Variants in MEST observed in about 807,000 individuals in gnomAD.
MEST encodes mesoderm-specific transcript homolog protein.
MEST carries 18 observed loss-of-function variants against 50.9 expected under a neutral mutation model. The ratio of observed to expected loss-of-function variants is 0.35; its 90% CI spans 0.24 to 0.52. MEST has a LOEUF of 0.52. Among genes scored for constraint, MEST ranks in the 20% least tolerant of loss-of-function variants. MEST has a pLI of 0.94. For synonymous variants in MEST, 130 were observed against 154.1 expected (o/e 0.84, Z 1.16); for missense variants, 282 against 425.3 (o/e 0.66, Z 2.96).
rs782741593 is a variant in MEST at position 130,498,353 on chromosome 7, C to T, written c.477-66C>T. On this transcript the variant is annotated intron_variant, in intron 5 of 11. Transcript: ENST00000223215. ...TGGACTGTTTGTATCCTTTTTCTCT[C>T]GTTTTCAGCGGTGCACTGGTTTAAG... is the stretch of plus-strand genomic sequence containing the variant. 8.0e-5 allele frequency: 129 copies of T among 1,610,074 alleles called. No homozygotes were observed. In the Admixed American group the frequency reaches 1.8e-3, roughly 22 times the overall value.
chr7:130,496,302 C>G (rs543000184), intron 2 of MEST: 9 of 393,888 alleles, frequency 2.3e-5, no homozygotes, highest in African/African-American at 1.5e-4. Flanking sequence ...CATGTCCATA[C>G]AGTTTATTTT....
At chr7:130,495,778 G>GTGTTT (rs1554436767) in intron 2 of MEST, 1 of 188,928 alleles carries the variant, frequency 5.3e-6, no homozygotes, top group East Asian at 1.5e-4. Context: ...TCCAATATTA[G>GTGTTT]TTTTTTTTTT....
upstream of MEST, chr7:130,489,346 G>A (rs1554434489): frequency 6.6e-6 from 1 of 152,260 alleles, no homozygotes; most frequent in Non-Finnish European, 1.5e-5. Context: ...TCTGTCCAGA[G>A]GAACTGAAAG....
At position 130,497,976 on chromosome 7, in the gene MEST, C is replaced by T; in HGVS notation, c.302C>T (p.Ala101Val). ...GLTLRFHRVIALDFLGFGFSD... is the reference protein window; with the variant it reads ...GLTLRFHRVIVLDFLGFGFSD... ...ACCTTGAGGTTTCATCGGGTGATTG[C>T]CCTTGATTTCTTAGGCTTTGGCTTC... The change falls in exon 4 of 12, where the codon GCC becomes GTC. Residue 101 changes from alanine (A) to valine (V), a missense_variant. Coordinates refer to ENST00000223215, the MANE Select transcript of MEST (RefSeq NM_002402.4). This position sits in a 1 kb window ranked among gnomAD's most constrained non-coding sequence, Gnocchi z 4.0. The T allele has an allele frequency of 6.2e-7, 1 of 1,614,178 alleles. No individual in the cohort carries two copies. Among genetic ancestry groups the T allele is most frequent in the South Asian group, 1.1e-5 (1 of 91,084 alleles).
Position 130,497,271 on chromosome 7 carries a change from TA to T in MEST, c.261+42del, listed in dbSNP as rs1554437279. The T allele has an allele frequency of 1.9e-6, 3 of 1,582,250 alleles. No homozygotes were observed. Among genetic ancestry groups the T allele is most frequent in the Non-Finnish European group, 2.6e-6 (3 of 1,158,624 alleles). On this transcript the variant is annotated intron_variant, in intron 3 of 11. Coordinates refer to ENST00000223215, the MANE Select transcript of MEST (RefSeq NM_002402.4). The surrounding 1 kb of genome is among the most constrained non-coding windows in gnomAD (Gnocchi z 4.0). ...CAGACTTCTACGTCCTACTATGTCT[TA>T]AAAAATCTCGGCCGGGCGCGGGGGC...
At chr7:130,496,300 TAC>T (rs1366260594) in intron 2 of MEST, 5 of 396,442 alleles carry the variant, frequency 1.3e-5, no homozygotes, top group African/African-American at 8.8e-5. Flanking sequence ...TTCATGTCCA[TAC>T]AGTTTATTTT....
At chr7:130,493,635 A>C (rs985828187) in intron 1 of MEST, among the ~76,000 whole-genome samples, 4 of 151,986 alleles carry the variant, frequency 2.6e-5, no homozygotes, top group East Asian at 1.9e-4. Flanking sequence ...TTAACCCCCC[A>C]CTTTCCCTGA....
intron 5 of MEST, 62 bp from the exon 6 acceptor site, chr7:130,498,357 T>C: frequency 6.2e-7 from 1 of 1,611,976 alleles, no homozygotes; most frequent in Non-Finnish European, 8.5e-7. Context: ...TTCTCTCGTT[T>C]TCAGCGGTGC....
chr7:130,498,494 T>G lies in MEST; in HGVS notation c.535+17T>G. ...CAAATGGAGGTAATTGCCTTGGCGG[T>G]AGGTAGAAAGTGGGTGTAATCTAGA... On this transcript the variant is annotated intron_variant, in intron 6 of 11. Transcript: ENST00000223215. 2 of 1,613,248 alleles carry G rather than the reference T, an allele frequency of 1.2e-6. No homozygotes were observed. Among genetic ancestry groups the G allele is most frequent in the Non-Finnish European group, 1.7e-6 (2 of 1,179,300 alleles).
Position 130,497,159 on chromosome 7 carries a change from CTG to C in MEST, c.188_189del (p.Val63GlyfsTer40), listed in dbSNP as rs1799093596. 1.9e-6 allele frequency: 3 copies of C among 1,612,034 alleles called. No individual in the cohort carries two copies. The highest frequency in any genetic ancestry group is 2.5e-6 in the Non-Finnish European group (3 of 1,178,944). On this transcript the variant is annotated frameshift_variant, in exon 3 of 12. Transcript: ENST00000223215. LOFTEE classifies it high-confidence loss of function. The surrounding 1 kb of genome is among the most constrained non-coding windows in gnomAD (Gnocchi z 4.0). ...ATTGTACTTTCCTTCTTCCTAGACT[CTG>C]TGGGTGTGGTTGGAAGTCCAGAGAT...
At chr7:130,490,084 C>G (rs995741863), upstream of MEST, 1 of 152,060 alleles carries the variant, frequency 6.6e-6, no homozygotes, top group African/African-American at 2.4e-5. Flanking sequence ...AATAGGAAAG[C>G]CTTTACCTTT....
chr7:130,503,818 T>C, intron 10 of MEST, 115 bp from the exon 11 acceptor site: 1 of 772,914 alleles, frequency 1.3e-6, no homozygotes, highest in Non-Finnish European at 2.2e-6. Flanking sequence ...ACCTTGCCTA[T>C]TATAATAAAA....
At chr7:130,495,319 T>C (rs1799004779) in intron 1 of MEST, 49 bp from the exon 2 acceptor site, 1 of 1,543,032 alleles carries the variant, frequency 6.5e-7, no homozygotes, top group African/African-American at 1.4e-5. Context: ...TGTAGATGAG[T>C]GGACAATGTT....
rs863223353 is a variant in MEST, at chr7:130,499,898, C to T, written c.559C>T (p.Pro187Ser). 6.2e-7 allele frequency: 1 copy of T among 1,612,674 alleles called. No homozygotes were observed. ...AGGTATCTTTCCTGAGACTCACCGT[C>T]CACTCCTTCTCCAAAAGGTTGGTAC... ...NGGIFPETHR[P>S]LLLQKLLKDG... Residue 187 changes from proline (P) to serine (S), a missense_variant, in exon 7 of 12, where the codon CCA becomes TCA. Physicochemically the swap from Pro to Ser is moderately conservative, Grantham distance 74 (BLOSUM62 -1). Coordinates refer to ENST00000223215, the MANE Select transcript of MEST (RefSeq NM_002402.4).
At chr7:130,495,756 C>A in intron 2 of MEST, 1 of 367,376 alleles carries the variant, frequency 2.7e-6, no homozygotes, top group Non-Finnish European at 4.8e-6. Flanking sequence ...TTCTTTGTAG[C>A]TTGATATGTA....
At chr7:130,488,315 T>C (rs2116200946), upstream of MEST, 1 of 152,356 alleles carries the variant, frequency 6.6e-6, no homozygotes, top group South Asian at 2.1e-4. Flanking sequence ...GAAAATTCTT[T>C]ATGTTGAATC....
Position 130,500,683 on chromosome 7 carries a change from T to C in MEST, c.648-106T>C, listed in dbSNP as rs1799243435. The C allele has an allele frequency of 4.2e-6, 5 of 1,180,886 alleles. No individual in the cohort carries two copies. Among genetic ancestry groups the C allele is most frequent in the African/African-American group, 1.5e-5 (1 of 66,220 alleles). The allele number at this position is 1,180,886 out of a possible 1,614,324, so 73.2% of individuals were successfully genotyped here. On this transcript the variant is annotated intron_variant, in intron 8 of 11. Coordinates refer to ENST00000223215, the MANE Select transcript of MEST (RefSeq NM_002402.4). This position sits in a 1 kb window ranked among gnomAD's most constrained non-coding sequence, Gnocchi z 5.0. Reference sequence around the variant, plus strand: ...GTAGAAGGAATTCATAAATCACTTATGGGTCAGACTGCATGGCCCAGACTG... The same window carrying C: ...GTAGAAGGAATTCATAAATCACTTACGGGTCAGACTGCATGGCCCAGACTG...
intron 1 of MEST, chr7:130,486,596 G>A (rs1015625070): frequency 1.3e-5 from 2 of 152,656 alleles, no homozygotes; most frequent in South Asian, 2.1e-4. Context: ...GTGCCCATAC[G>A]AGGTGCGCCG....
At position 130,500,771 on chromosome 7, in the gene MEST, C is replaced by A; in HGVS notation, c.648-18C>A. On this transcript the variant is annotated intron_variant, in intron 8 of 11. Coordinates refer to ENST00000223215, the MANE Select transcript of MEST (RefSeq NM_002402.4). This position sits in a 1 kb window ranked among gnomAD's most constrained non-coding sequence, Gnocchi z 5.0. ...AGTTCTCCTCACACTTATCTTCCTG[C>A]GTTTTGGACTCTTTCAGTCTCACCC... is the stretch of plus-strand genomic sequence containing the variant. 1 of 1,591,156 alleles carries A rather than the reference C, an allele frequency of 6.3e-7. No individual in the cohort carries two copies. The highest frequency in any genetic ancestry group is 8.6e-7 in the Non-Finnish European group (1 of 1,167,284).
Sources: gnomAD v4.1 joint callset for allele counts (sites outside exome capture counted in the v4.1 genomes callset) on GRCh38, gnomAD v4.1.1 for gene constraint, Gnocchi (gnomAD v3.1) non-coding constraint, MANE v1.5 for transcripts, NCBI Gene and HGNC (gene_info 2026-07-23, HGNC 2026-07-21) for gene names.